The following STK10 variants were observed in gnomAD, a reference collection of about 807,000 sequenced individuals.
The protein encoded by STK10 is serine/threonine-protein kinase 10.
Under a neutral mutation model 113.8 loss-of-function variants are expected in STK10, and 78 were observed. The observed-to-expected ratio is 0.69, with a 90% CI of 0.57 to 0.83. STK10 has a LOEUF of 0.83. Among genes scored for constraint, STK10 ranks in the 40% least tolerant of loss-of-function variants. The pLI is 0.00. For synonymous variants in STK10, 465 were observed against 494.7 expected (o/e 0.94, Z 0.80); for missense variants, 1,109 against 1,280.1 (o/e 0.87, Z 2.04).
chr5:172,159,881 T>C (rs1770432674), intron 1 of STK10, among the ~76,000 whole-genome samples: 2 of 152,180 alleles, frequency 1.3e-5, no homozygotes, highest in Admixed American at 1.3e-4. Context: ...CTCATGCCTG[T>C]AATCCCAGCA....
intron 12 of STK10, among the ~76,000 whole-genome samples, chr5:172,074,953 A>C (rs1453903702): frequency 6.6e-6 from 1 of 151,906 alleles, no homozygotes; most frequent in Admixed American, 6.6e-5. Flanking sequence ...CACGAGCTGC[A>C]GGGTGCAAGT....
At chr5:172,085,193 C>T (rs1003857880) in intron 10 of STK10, among the ~76,000 whole-genome samples, 1 of 151,804 alleles carries the variant, frequency 6.6e-6, no homozygotes, top group East Asian at 1.9e-4. Context: ...TGCAGTGAGC[C>T]GTGACTATGC....
At chr5:172,095,571 A>G (rs1364752709) in intron 8 of STK10, among the ~76,000 whole-genome samples, 6 of 152,212 alleles carry the variant, frequency 3.9e-5, no homozygotes, top group Admixed American at 2.0e-4. Context: ...GGCAGCCACC[A>G]GGGGCTCCAT....
rs1036156509 is a variant in STK10, at chr5:172,083,080, G to A, written c.1690C>T (p.Gln564Ter). ...KDEEMRFLRR[Q>*]ELRELRLLQK... The stretch of plus-strand genomic sequence containing the variant: ...AGCAGCCGAAGCTCTCGGAGTTCCT[G>A]GCGCCTGAAAGGTTAAAGGATACAG... The change falls in exon 11 of 19, where the codon CAG (glutamine) becomes TAG (stop). Residue 564 changes from glutamine to a stop codon, truncating the protein, a stop_gained. Coordinates refer to ENST00000176763, the MANE Select transcript of STK10 (RefSeq NM_005990.4). LOFTEE classifies it high-confidence loss of function. 1 of 1,614,086 alleles carries A rather than the reference G, an allele frequency of 6.2e-7. No individual in the cohort carries two copies.
chr5:172,157,681 T>C (rs1025851288), intron 1 of STK10, among the ~76,000 whole-genome samples: 1 of 152,038 alleles, frequency 6.6e-6, no homozygotes, highest in Admixed American at 6.6e-5. Flanking sequence ...GCCTCCGCCT[T>C]CTAGGTTCAA....
chr5:172,057,542 C>G lies in STK10; in HGVS notation c.2213-69G>C, dbSNP rs1013090728. The stretch of plus-strand genomic sequence containing the variant: ...GAGACTCGACAGGCCCCCTGCCCCC[C>G]ACCTCTGCCTGGCCTCCTCATGCTG... On this transcript the variant is annotated intron_variant, in intron 14 of 18. Coordinates refer to ENST00000176763, the MANE Select transcript of STK10 (RefSeq NM_005990.4). 17 of 1,515,780 alleles carry G rather than the reference C, an allele frequency of 1.1e-5. No homozygotes were observed. The Admixed American group carries it at 1.2e-4, about 11-fold the overall frequency. The allele number at this position is 1,515,780 out of a possible 1,614,324, so 93.9% of individuals were successfully genotyped here. A position where few individuals can be genotyped will look rare whatever the true frequency, so the allele number is the denominator to read the frequency against.
At chr5:172,069,554 G>GTTT (rs1768134803) in intron 12 of STK10, among the ~76,000 whole-genome samples, 1 of 152,044 alleles carries the variant, frequency 6.6e-6, no homozygotes, top group Non-Finnish European at 1.5e-5. Flanking sequence ...AGGAGTTTGA[G>GTTT]GGCACTCTGG....
At chr5:172,051,761 C>T (rs1309774551) in intron 18 of STK10, among the ~76,000 whole-genome samples, 1 of 152,152 alleles carries the variant, frequency 6.6e-6, no homozygotes, top group Non-Finnish European at 1.5e-5. Context: ...ACTGGCAGCA[C>T]TGGCTGCCAC....
chr5:172,056,989 A>AAG (rs1481065545), intron 15 of STK10: 5,503 of 90,614 alleles, frequency 0.061, 132 homozygotes, highest in South Asian at 0.11. Context: ...GAAAGAAAGA[A>AAG]AGAAAGAGAA....
At chr5:172,172,061 G>T (rs377622680) in intron 1 of STK10, among the ~76,000 whole-genome samples, 1 of 152,032 alleles carries the variant, frequency 6.6e-6, no homozygotes, top group Non-Finnish European at 1.5e-5. Flanking sequence ...ATGGTGGCAC[G>T]CACCTATAGT....
At chr5:172,128,709 T>G (rs193226965) in intron 2 of STK10, among the ~76,000 whole-genome samples, 2 of 152,338 alleles carry the variant, frequency 1.3e-5, no homozygotes, top group Non-Finnish European at 2.9e-5. Flanking sequence ...CAGAATCACC[T>G]CTTAGCTTCC....
intron 2 of STK10, among the ~76,000 whole-genome samples, chr5:172,128,280 TCA>T (rs1465806802): frequency 6.7e-6 from 1 of 148,480 alleles, no homozygotes; most frequent in South Asian, 2.1e-4. Flanking sequence ...ACTCCCATTC[TCA>T]CTCTTTCTGG....
At chr5:172,097,320 G>A (rs1329663139) in intron 7 of STK10, among the ~76,000 whole-genome samples, 12 of 152,216 alleles carry the variant, frequency 7.9e-5, no homozygotes, top group Admixed American at 2.6e-4. Context: ...GATTACAGGC[G>A]TGAGCCACTG....
In STK10 at chr5:172,152,899, T is replaced by C. The variant is rs549287914; in HGVS notation, c.321+3725A>G. Among the ~76,000 whole-genome samples, 14 of 152,376 alleles carry C rather than the reference T, an allele frequency of 9.2e-5. No homozygotes were observed. The South Asian group carries it at 2.9e-3, about 32-fold the overall frequency. ...AATGGATCACATGTCAAAATGATCA[T>C]ATTTTTATACACTGGGTTAAATAAA... On this transcript the variant is annotated intron_variant, in intron 2 of 18. Transcript: ENST00000176763.
At chr5:172,171,173 T>C (rs1389635348) in intron 1 of STK10, among the ~76,000 whole-genome samples, 1 of 152,234 alleles carries the variant, frequency 6.6e-6, no homozygotes, top group African/African-American at 2.4e-5. Context: ...AAAAATATAA[T>C]GGTACAAGGA....
intron 1 of STK10, among the ~76,000 whole-genome samples, chr5:172,163,568 G>T (rs1770509480): frequency 6.6e-6 from 1 of 152,198 alleles, no homozygotes; most frequent in Admixed American, 6.5e-5. Context: ...AGCAGACTGA[G>T]GCTTGGGAAT....
chr5:172,096,545 T>G lies in STK10; in HGVS notation c.886A>C (p.Ser296Arg), dbSNP rs1344330719. The G allele has an allele frequency of 6.2e-7, 1 of 1,613,402 alleles. No homozygotes were observed. Among genetic ancestry groups the G allele is most frequent in the Non-Finnish European group, 8.5e-7 (1 of 1,180,050 alleles). The change falls in exon 8 of 19, where the codon AGC becomes CGC. Residue 296 changes from serine (S) to arginine (R), a missense_variant. By Grantham distance (110) the Ser-to-Arg change is moderately radical. Around this residue, in one of 5 missense-constraint regions of STK10, gnomAD observed 885 missense variants for 991.1 expected, o/e 0.89. Transcript: ENST00000176763. ...AQLLEHPFVS[S>R]ITSNKALREL... ...CGCAGAGCCTTGTTACTGGTGATGC[T>G]GCTGACGAAGGGATGCTGAGGGGGC...
At chr5:172,054,784 C>T (rs1468245969) in intron 16 of STK10, 90 bp from the exon 17 acceptor site, 11 of 1,558,850 alleles carry the variant, frequency 7.1e-6, no homozygotes, top group Non-Finnish European at 9.5e-6. Context: ...AGGGAGACCC[C>T]TCAGGGGGAC....
intron 7 of STK10, among the ~76,000 whole-genome samples, chr5:172,103,692 C>T (rs1282612132): frequency 6.6e-6 from 1 of 152,134 alleles, no homozygotes; most frequent in Non-Finnish European, 1.5e-5. Context: ...GTAAAAGGAA[C>T]AACTGTGACC....
Sources: allele counts gnomAD v4.1 joint callset (sites outside exome capture counted in the v4.1 genomes callset), GRCh38; gene constraint gnomAD v4.1.1; regional missense constraint gnomAD v4.1.1; transcripts MANE v1.5; gene names NCBI Gene and HGNC (gene_info 2026-07-23, HGNC 2026-07-21).